ACTR1A: variants seen among roughly 807,000 people sequenced by gnomAD.
ACTR1A encodes alpha-centractin.
Under a neutral mutation model 50.7 loss-of-function variants are expected in ACTR1A, and 10 were observed. That is an observed-to-expected ratio of 0.20 (90% CI 0.12 to 0.33). The LOEUF is 0.33. Ranked by LOEUF, ACTR1A falls within the 10% of genes least tolerant of loss-of-function variation. The probability of loss-of-function intolerance (pLI) is 1.00; values close to 1 mark genes in which losing one functional copy is unlikely to be tolerated. For synonymous variants in ACTR1A, 177 were observed against 184.2 expected, an observed-to-expected ratio of 0.96 and a Z score of 0.32; for missense variants, 253 against 491.7, an observed-to-expected ratio of 0.51 and a Z score of 4.59.
intron 3 of ACTR1A, 48 bp downstream of exon 3, chr10:102,489,015 G>A (rs1487504380): frequency 1.4e-6 from 2 of 1,398,048 alleles, no homozygotes; most frequent in South Asian, 2.9e-5. Context: ...GGTGAATAAT[G>A]AAGGTCCTCT....
intron 1 of ACTR1A, among the ~76,000 whole-genome samples, chr10:102,494,634 C>G (rs1382089931): frequency 6.6e-6 from 1 of 150,862 alleles, no homozygotes; most frequent in East Asian, 1.9e-4. Context: ...GACCCTGTCT[C>G]AAAACCAACC....
rs1171428516 is a variant in ACTR1A, at chr10:102,488,368, AAAG to A, written c.190-96_190-94del. On this transcript the variant is annotated intron_variant, in intron 3 of 10. Transcript: ENST00000369905. The surrounding 1 kb of genome is among the most constrained non-coding windows in gnomAD (Gnocchi z 4.4). ...AAGCAGTGCAAGCTGAATCCCTTGC[AAAG>A]AAGCCTCAGCTTCCTGAGCTTCCAC... 6.5e-7 allele frequency: 1 copy of A among 1,544,924 alleles called. No individual in the cohort carries two copies.
In ACTR1A at chr10:102,502,282, G is replaced by A. The variant is rs181682837; in HGVS notation, c.48+318C>T. On this transcript the variant is annotated intron_variant, in intron 1 of 10. Transcript: ENST00000369905. ...ATGGACAGCCAGAGCAACCAATAGA[G>A]CGATCGGAAATGGGGGAGAGGGCGG... Among the ~76,000 whole-genome samples, 166 of 152,348 alleles carry A rather than the reference G, an allele frequency of 1.1e-3. 2 individuals carry two copies. The highest frequency in any genetic ancestry group is 0.01 in the Admixed American group (158 of 15,302).
intron 1 of ACTR1A, among the ~76,000 whole-genome samples, chr10:102,499,653 G>A (rs942758887): frequency 4.6e-5 from 7 of 152,214 alleles, no homozygotes; most frequent in Non-Finnish European, 8.8e-5. Context: ...GAGCTGGTGG[G>A]ATAGACAGGT....
intron 2 of ACTR1A, among the ~76,000 whole-genome samples, chr10:102,489,359 A>G (rs1451413780): frequency 6.6e-6 from 1 of 151,960 alleles, no homozygotes; most frequent in African/African-American, 2.4e-5. Flanking sequence ...TATTTATTAT[A>G]AATTATGAAA....
chr10:102,494,191 T>TAA (rs2062208563), intron 1 of ACTR1A, among the ~76,000 whole-genome samples: 1 of 152,228 alleles, frequency 6.6e-6, no homozygotes, highest in South Asian at 2.1e-4. Context: ...AAATGCCTGG[T>TAA]AGAGGCTTCT....
chr10:102,492,545 G>T (rs73336642), intron 1 of ACTR1A, among the ~76,000 whole-genome samples: 6,484 of 152,204 alleles, frequency 0.043, 462 homozygotes, highest in African/African-American at 0.15. Context: ...GAACACACCT[G>T]GAGACTCTAA....
intron 5 of ACTR1A, among the ~76,000 whole-genome samples, 166 bp from the exon 6 acceptor site, chr10:102,484,542 G>A (rs2062157947): frequency 2.0e-5 from 3 of 152,202 alleles, no homozygotes; most frequent in African/African-American, 7.2e-5. Context: ...GTTGGAGCAA[G>A]CCATGAAATA....
chr10:102,480,736 T>C lies in ACTR1A; in HGVS notation c.*127A>G. On this transcript the variant is annotated 3_prime_UTR_variant, in exon 11 of 11. Coordinates refer to ENST00000369905, the MANE Select transcript of ACTR1A (RefSeq NM_005736.4). ...GTCCCAGGGCCACACGGCACTCGCA[T>C]GTGCACACACACTCATATCCACACA... 1.2e-6 allele frequency: 1 copy of C among 805,782 alleles called. No individual in the cohort carries two copies. The highest frequency in any genetic ancestry group is 2.1e-6 in the Non-Finnish European group (1 of 467,662). 49.9% of individuals were successfully genotyped at this position (805,782 alleles called of 1,614,324 possible).
At chr10:102,492,216 G>A (rs1392319369) in intron 1 of ACTR1A, among the ~76,000 whole-genome samples, 7 of 151,556 alleles carry the variant, frequency 4.6e-5, no homozygotes, top group South Asian at 4.2e-4. Context: ...GATTACAGGC[G>A]CGCACCACCA....
At chr10:102,483,927 C>T in intron 6 of ACTR1A, 1 of 564,172 alleles carries the variant, frequency 1.8e-6, no homozygotes, top group East Asian at 3.0e-5. Context: ...CCCTATGTAG[C>T]CATCACCCAA....
chr10:102,497,231 A>G (rs1432961714), intron 1 of ACTR1A, among the ~76,000 whole-genome samples: 1 of 152,112 alleles, frequency 6.6e-6, no homozygotes, highest in Non-Finnish European at 1.5e-5. Flanking sequence ...ATGTAGTTGA[A>G]AAGATTGGCC....
intron 2 of ACTR1A, among the ~76,000 whole-genome samples, chr10:102,489,630 A>G (rs2135584107): frequency 6.6e-6 from 1 of 152,130 alleles, no homozygotes; most frequent in African/African-American, 2.4e-5. Context: ...CCTGGCCAAC[A>G]TGGTGAAACC....
chr10:102,480,768 C>T lies in ACTR1A; in HGVS notation c.*95G>A, dbSNP rs1250652710. ...ACACACTCATATCCACACACGCACT[C>T]ACACACAGGCAGTTCCTCGCAAACA... On this transcript the variant is annotated 3_prime_UTR_variant, in exon 11 of 11. Transcript: ENST00000369905. 5 of 1,022,954 alleles carry T rather than the reference C, an allele frequency of 4.9e-6. No homozygotes were observed. Among genetic ancestry groups the T allele is most frequent in the African/African-American group, 4.7e-5 (3 of 63,710 alleles). The allele number at this position is 1,022,954 out of a possible 1,614,324, so 63.4% of individuals were successfully genotyped here. A position where few individuals can be genotyped will look rare whatever the true frequency, so the allele number is the denominator to read the frequency against.
At chr10:102,484,724 G>C (rs1297546671) in intron 5 of ACTR1A, among the ~76,000 whole-genome samples, 1 of 152,148 alleles carries the variant, frequency 6.6e-6, no homozygotes. Context: ...GGGCCAGGCA[G>C]GAAAAGTAAG....
chr10:102,479,396 C>T lies in ACTR1A; in HGVS notation c.*1467G>A. The T allele has an allele frequency of 2.7e-6, 1 of 370,444 alleles. No individual in the cohort carries two copies. Among genetic ancestry groups the T allele is most frequent in the South Asian group, 2.0e-5 (1 of 49,030 alleles). 22.9% of individuals were successfully genotyped at this position (370,444 alleles called of 1,614,324 possible). A position where few individuals can be genotyped will look rare whatever the true frequency, so the allele number is the denominator to read the frequency against. ...ACGTTGCTTTCACACATACCTGCTG[C>T]TGTGGCCCACACCTGGCAGGGGCCT... is the stretch of plus-strand genomic sequence containing the variant. On this transcript the variant is annotated 3_prime_UTR_variant, in exon 11 of 11. Coordinates refer to ENST00000369905, the MANE Select transcript of ACTR1A (RefSeq NM_005736.4). The surrounding 1 kb of genome is among the most constrained non-coding windows in gnomAD (Gnocchi z 4.0).
chr10:102,500,863 A>G (rs2062247396), intron 1 of ACTR1A, among the ~76,000 whole-genome samples: 1 of 152,126 alleles, frequency 6.6e-6, no homozygotes, highest in Non-Finnish European at 1.5e-5. Flanking sequence ...GCAACAGCCC[A>G]GGAGTTTGAG....
At position 102,488,191 on chromosome 10, in the gene ACTR1A, A is replaced by G. The variant is rs749738123; in HGVS notation, c.274T>C (p.Tyr92His). The change falls in exon 4 of 11, where the codon TAT becomes CAT. Residue 92 changes from tyrosine (Y) to histidine (H), a missense_variant. Physicochemically the swap from Tyr to His is moderately conservative, Grantham distance 83 (BLOSUM62 2). This residue lies in a region of ACTR1A where 96 missense variants were observed against 238.7 expected (regional missense o/e 0.40). Coordinates refer to ENST00000369905, the MANE Select transcript of ACTR1A (RefSeq NM_005736.4). The surrounding 1 kb of genome is among the most constrained non-coding windows in gnomAD (Gnocchi z 4.4). ...TGCAGCTGGTCCTTAGAATAGACATATTGCCAAATGCGTTCCATGTCGTTC... is the reference window on the plus strand; with the variant it reads ...TGCAGCTGGTCCTTAGAATAGACATGTTGCCAAATGCGTTCCATGTCGTTC... ...DWNDMERIWQ[Y>H]VYSKDQLQTF... The G allele has an allele frequency of 2.3e-5, 37 of 1,613,944 alleles. No individual in the cohort carries two copies. The highest frequency in any genetic ancestry group is 3.1e-5 in the Non-Finnish European group (37 of 1,179,878).
Position 102,489,492 on chromosome 10 carries a change from T to C in ACTR1A, c.114-354A>G, listed in dbSNP as rs534542377. Among the ~76,000 whole-genome samples, 366 of 152,328 alleles carry C rather than the reference T, an allele frequency of 2.4e-3. 3 individuals are homozygous for C. Among genetic ancestry groups the C allele is most frequent in the South Asian group, 8.9e-3 (43 of 4,830 alleles). On this transcript the variant is annotated intron_variant, in intron 2 of 10. Coordinates refer to ENST00000369905, the MANE Select transcript of ACTR1A (RefSeq NM_005736.4). ...ATTAACTCAAAACATTTTAGTGTCC[T>C]TAGTCCCCTTCCCAGGACCTCTAAG...
Sources: gnomAD v4.1 joint callset for allele counts (sites outside exome capture counted in the v4.1 genomes callset) on GRCh38, gnomAD v4.1.1 for gene constraint, gnomAD v4.1.1 regional missense constraint, Gnocchi (gnomAD v3.1) non-coding constraint, MANE v1.5 for transcripts, NCBI Gene and HGNC (gene_info 2026-07-23, HGNC 2026-07-21) for gene names.